The following GPHN variants were observed in gnomAD, a reference collection of about 807,000 sequenced individuals.
The protein encoded by GPHN is gephyrin.
A neutral mutation model predicts 95.5 loss-of-function variants in GPHN; 17 were observed. The observed-to-expected ratio is 0.18, with a 90% CI of 0.12 to 0.27. GPHN has a LOEUF of 0.27. Ranked by LOEUF, GPHN falls within the 10% of genes least tolerant of loss-of-function variation. GPHN has a pLI of 1.00. For missense variants in GPHN, 660 were observed against 978.1 expected (o/e 0.67, Z 4.34); for synonymous variants, 320 against 322.5 (o/e 0.99, Z 0.08).
the GPHN span, among the ~76,000 whole-genome samples, chr14:67,527,179 G>T: frequency 6.6e-6 from 1 of 152,186 alleles, no homozygotes; most frequent in South Asian, 2.1e-4. Flanking sequence ...GTGGCTAAAG[G>T]CGTGGTCTTT....
At chr14:67,048,066 C>T (rs894997166) in intron 10 of GPHN, among the ~76,000 whole-genome samples, 2 of 152,060 alleles carry the variant, frequency 1.3e-5, no homozygotes, top group African/African-American at 2.4e-5. Flanking sequence ...TTCAAGATGA[C>T]CACACCACAA....
chr14:66,845,819 CTGTGTGTGTGTGTGTGTGTGTGTG>C (rs367997271), intron 4 of GPHN, among the ~76,000 whole-genome samples: 2 of 143,300 alleles, frequency 1.4e-5, no homozygotes, highest in African/African-American at 5.1e-5. Flanking sequence ...ATACATGCCT[CTGTGTGTGTGTGTGTGTGTGTGTG>C]TGTGTGTGTG....
At chr14:66,638,455 GACAACAACA>G (rs199574589) in intron 1 of GPHN, among the ~76,000 whole-genome samples, 1 of 151,886 alleles carries the variant, frequency 6.6e-6, no homozygotes, top group Non-Finnish European at 1.5e-5. Context: ...GAACAACAAC[GACAACAACA>G]ACAACAAACA....
chr14:66,851,572 T>C (rs2153515909), intron 4 of GPHN, among the ~76,000 whole-genome samples: 1 of 152,286 alleles, frequency 6.6e-6, no homozygotes, highest in Admixed American at 6.5e-5. Context: ...TATTAACCCA[T>C]TCTACTGTAA....
chr14:66,520,813 T>C (rs1045482069), intron 1 of GPHN, among the ~76,000 whole-genome samples: 7 of 152,078 alleles, frequency 4.6e-5, no homozygotes, highest in African/African-American at 7.2e-5. Flanking sequence ...ACCTAGCTAC[T>C]AAGCCTGGTA....
chr14:67,126,721 T>C (rs1303317107), intron 17 of GPHN, among the ~76,000 whole-genome samples: 2 of 152,096 alleles, frequency 1.3e-5, no homozygotes, highest in Non-Finnish European at 2.9e-5. Context: ...AGAAATACCA[T>C]TTGACCCAGC....
rs555267815 is a variant in GPHN at position 67,053,878 on chromosome 14, T to A, written c.1007-4771T>A. Among the ~76,000 whole-genome samples the A allele has an allele frequency of 3.3e-5, 5 of 152,328 alleles. 1 individual carries two copies. In the South Asian group the frequency reaches 1.0e-3, roughly 32 times the overall value. ...CACAAAAACCGCATGATTATCTCAA[T>A]AGACACAGAAAAGGCCTTTGATAAA... On this transcript the variant is annotated intron_variant, in intron 10 of 22. Transcript: ENST00000478722.
intron 2 of GPHN, among the ~76,000 whole-genome samples, chr14:66,684,508 T>G (rs1339673633): frequency 2.0e-5 from 3 of 152,224 alleles, no homozygotes; most frequent in Admixed American, 2.0e-4. Context: ...CTAAACTGAC[T>G]AATTCATACT....
At chr14:67,677,035 C>T in the GPHN span, 1 of 152,116 alleles carries the variant, frequency 6.6e-6, no homozygotes, top group Non-Finnish European at 1.5e-5. Context: ...TTACAAGTAT[C>T]AGAAGTGAAG....
At chr14:66,626,924 G>GT (rs1386629896) in intron 1 of GPHN, among the ~76,000 whole-genome samples, 1 of 151,954 alleles carries the variant, frequency 6.6e-6, no homozygotes, top group Non-Finnish European at 1.5e-5. Flanking sequence ...TAGGTTTTAG[G>GT]TTTTGACTGC....
the GPHN span, among the ~76,000 whole-genome samples, chr14:67,460,560 C>T: frequency 1.2e-4 from 18 of 152,160 alleles, no homozygotes; most frequent in African/African-American, 3.1e-4. Context: ...AAAAATTAGC[C>T]GGGCATGATG....
chr14:67,691,976 T>G, the GPHN span: 1 of 156,420 alleles, frequency 6.4e-6, no homozygotes, highest in African/African-American at 2.4e-5. Context: ...CATCTATGTC[T>G]AAAGAGATGG....
At chr14:67,013,623 T>TA (rs2073134908) in intron 9 of GPHN, among the ~76,000 whole-genome samples, 1 of 152,068 alleles carries the variant, frequency 6.6e-6, no homozygotes, top group Non-Finnish European at 1.5e-5. Context: ...GCTACTTTAC[T>TA]AGTGCAGTAT....
the GPHN span, among the ~76,000 whole-genome samples, chr14:67,506,005 TTTG>T: frequency 1.3e-5 from 2 of 151,960 alleles, no homozygotes; most frequent in Non-Finnish European, 2.9e-5. Flanking sequence ...TGGCTGATAA[TTTG>T]TTCTTTTCAA....
At chr14:66,928,392 TTTTA>T (rs2066603941) in intron 8 of GPHN, among the ~76,000 whole-genome samples, 1 of 152,148 alleles carries the variant, frequency 6.6e-6, no homozygotes, top group African/African-American at 2.4e-5. Context: ...TCATCTCTGA[TTTTA>T]TTTATTTGGG....
At chr14:67,565,734 G>T in the GPHN span, among the ~76,000 whole-genome samples, 1 of 152,206 alleles carries the variant, frequency 6.6e-6, no homozygotes, top group Admixed American at 6.5e-5. Flanking sequence ...GAGGTCACTT[G>T]GGAGAGGGGG....
At chr14:67,306,810 T>A in the GPHN span, among the ~76,000 whole-genome samples, 1 of 152,210 alleles carries the variant, frequency 6.6e-6, no homozygotes, top group African/African-American at 2.4e-5. Flanking sequence ...TAGGAAATCA[T>A]AATCTTGGTT....
At chr14:66,543,732 C>T (rs1365895622) in intron 1 of GPHN, among the ~76,000 whole-genome samples, 1 of 152,182 alleles carries the variant, frequency 6.6e-6, no homozygotes, top group Non-Finnish European at 1.5e-5. Context: ...GCCAACTTAT[C>T]ATCAAAATGA....
chr14:66,822,337 T>A (rs546966686), intron 3 of GPHN, among the ~76,000 whole-genome samples: 1 of 152,314 alleles, frequency 6.6e-6, no homozygotes, highest in African/African-American at 2.4e-5. Flanking sequence ...ATCGTCTCCT[T>A]AGACTAGTAG....
Sources: allele counts gnomAD v4.1 joint callset (sites outside exome capture counted in the v4.1 genomes callset), GRCh38; gene constraint gnomAD v4.1.1; transcripts MANE v1.5; gene names NCBI Gene and HGNC (gene_info 2026-07-23, HGNC 2026-07-21).